Variants in GGCX observed in about 807,000 individuals in gnomAD.
GGCX encodes gamma-glutamyl carboxylase, also known as vitamin K-dependent gamma-carboxylase.
A neutral mutation model predicts 88.5 loss-of-function variants in GGCX; 63 were observed. The observed-to-expected ratio is 0.71, with a 90% confidence interval of 0.58 to 0.88. GGCX has a LOEUF of 0.88. Ranked by LOEUF, GGCX falls within the 40% of genes least tolerant of loss-of-function variation. The pLI, the probability that GGCX is intolerant of heterozygous loss-of-function variation, is 0.00. For synonymous variants in GGCX, 368 were observed against 365.8 expected (o/e 1.01, Z -0.07); for missense variants, 805 against 932.9 (o/e 0.86, Z 1.79).
chr2:85,559,540 C>G (rs1692345470), intron 2 of GGCX, among the ~76,000 whole-genome samples: 1 of 151,950 alleles, frequency 6.6e-6, no homozygotes, highest in South Asian at 2.1e-4. Context: ...TGGAAAAACC[C>G]CGTCTCTACT....
At chr2:85,552,388 T>C in intron 10 of GGCX, 28 bp downstream of exon 10, 1 of 1,608,094 alleles carries the variant, frequency 6.2e-7, no homozygotes, top group Middle Eastern at 1.7e-4. Context: ...TGCTTCATTT[T>C]TTCCCACTCT....
At chr2:85,560,416 G>A (rs1305741517) in intron 2 of GGCX, among the ~76,000 whole-genome samples, 2 of 152,012 alleles carry the variant, frequency 1.3e-5, no homozygotes, top group Non-Finnish European at 2.9e-5. Flanking sequence ...GTGAAACCCC[G>A]TCTCTACTAA....
chr2:85,554,668 A>G, intron 6 of GGCX: 1 of 346,488 alleles, frequency 2.9e-6, no homozygotes, highest in East Asian at 7.2e-5. Flanking sequence ...ACAGTGTCTT[A>G]TATTGCTCAG....
In GGCX at chr2:85,554,181, G is replaced by C. The variant is rs75294795; in HGVS notation, c.851C>G (p.Ser284Cys). 17 of 1,613,026 alleles carry C rather than the reference G, an allele frequency of 1.1e-5. No individual in the cohort carries two copies. Among genetic ancestry groups the C allele is most frequent in the African/African-American group, 2.7e-5 (2 of 74,878 alleles). ...VSRSIGLFFVSYFHCMNSQLF... is the reference protein window; with the variant it reads ...VSRSIGLFFVCYFHCMNSQLF... ...CTGGGAATTCATGCAGTGGAAGTAG[G>C]ACACAAAGAACAGGCCAATGGATCT... Residue 284 changes from serine (S) to cysteine (C), a missense_variant, in exon 7 of 15, where the codon TCC (serine) becomes TGC (cysteine). Around this residue, in one of 3 missense-constraint regions of GGCX, gnomAD observed 680 missense variants for 763.7 expected, o/e 0.89. Transcript: ENST00000233838.
intron 11 of GGCX, 37 bp from the exon 12 acceptor site, chr2:85,551,647 G>A (rs889482335): frequency 2.5e-6 from 4 of 1,611,492 alleles, no homozygotes; most frequent in Admixed American, 1.7e-5. Flanking sequence ...CCACCCCATG[G>A]CAGAGTGAAC....
chr2:85,545,527 AGCCATAATTC>A lies in GGCX; in HGVS notation c.*4397_*4406del, dbSNP rs776514553. On this transcript the variant is annotated 3_prime_UTR_variant, in exon 15 of 15. Transcript: ENST00000233838. ...TAACCTTGAATTGTAATCCATAATT[AGCCATAATTC>A]AGGAAAATAACCTCAATCCCTAGAC... The A allele has an allele frequency of 6.6e-6, 1 of 152,244 alleles. No homozygotes were observed. The highest frequency in any genetic ancestry group is 1.5e-5 in the Non-Finnish European group (1 of 68,050). The allele number at this position is 152,244 out of a possible 1,614,324, so 9.4% of individuals were successfully genotyped here. A position where few individuals can be genotyped will look rare whatever the true frequency, so the allele number is the denominator to read the frequency against.
intron 13 of GGCX, 77 bp downstream of exon 13, chr2:85,550,848 G>C: frequency 6.3e-7 from 1 of 1,587,502 alleles, no homozygotes; most frequent in Non-Finnish European, 8.6e-7. Context: ...GTTCATTCTT[G>C]AATGGCTAGA....
At position 85,561,492 on chromosome 2, in the gene GGCX, T is replaced by A. The variant is rs567607121; in HGVS notation, c.-64A>T. On this transcript the variant is annotated 5_prime_UTR_variant, in exon 1 of 15. Coordinates refer to ENST00000233838, the MANE Select transcript of GGCX (RefSeq NM_000821.7). ...TCTGAACGGAGGCCGCCAGGAGAAT[T>A]TGCTTCCCTAGGCTCCGCCTCCCGA... 3.2e-6 allele frequency: 4 copies of A among 1,269,020 alleles called. No individual in the cohort carries two copies. Among genetic ancestry groups the A allele is most frequent in the Non-Finnish European group, 4.5e-6 (4 of 892,750 alleles). The allele number at this position is 1,269,020 out of a possible 1,614,324, so 78.6% of individuals were successfully genotyped here.
intron 10 of GGCX, 123 bp downstream of exon 10, chr2:85,552,292 AG>A: frequency 1.0e-6 from 1 of 969,526 alleles, no homozygotes. Flanking sequence ...AACCAGATCA[AG>A]GGGGACATGC....
chr2:85,552,591 C>T lies in GGCX; in HGVS notation c.1288-24G>A, dbSNP rs200212016. The T allele has an allele frequency of 3.7e-5, 59 of 1,608,160 alleles. No homozygotes were observed. In the East Asian group the frequency reaches 1.1e-3, roughly 31 times the overall value. On this transcript the variant is annotated intron_variant, in intron 9 of 14. Coordinates refer to ENST00000233838, the MANE Select transcript of GGCX (RefSeq NM_000821.7). Reference sequence around the variant, plus strand: ...ACCTGCCCCAAACCCCCATATTAGTCCCACCTCATCATTATCAACTTCCAA... The same window carrying T: ...ACCTGCCCCAAACCCCCATATTAGTTCCACCTCATCATTATCAACTTCCAA...
rs1475457018 is a variant in GGCX at position 85,551,087 on chromosome 2, GAAATGGAT to G, written c.1741-23_1741-16del. ...CCAGCAGGCAACTGACAAGGGAGAAGAAATGGATAAATTTCATCAGCTTTTCTCTAGCC... is the reference window on the plus strand; with the variant it reads ...CCAGCAGGCAACTGACAAGGGAGAAGAAATTTCATCAGCTTTTCTCTAGCC... On this transcript the variant is annotated splice_polypyrimidine_tract_variant and intron_variant, in intron 12 of 14. Coordinates refer to ENST00000233838, the MANE Select transcript of GGCX (RefSeq NM_000821.7). The G allele has an allele frequency of 6.2e-7, 1 of 1,612,392 alleles. No homozygotes were observed. Among genetic ancestry groups the G allele is most frequent in the African/African-American group, 1.3e-5 (1 of 74,896 alleles).
At chr2:85,558,832 T>C (rs1692315132) in intron 3 of GGCX, 85 bp downstream of exon 3, 7 of 1,251,200 alleles carry the variant, frequency 5.6e-6, no homozygotes, top group Non-Finnish European at 8.2e-6. Context: ...TGAAATAAGG[T>C]GCCAAAGACT....
At chr2:85,552,315 G>A in intron 10 of GGCX, 101 bp downstream of exon 10, 4 of 1,197,432 alleles carry the variant, frequency 3.3e-6, no homozygotes, top group Non-Finnish European at 5.0e-6. Context: ...CTAGAGGAAG[G>A]ACAGCTTTTT....
rs974913483 is a variant in GGCX, at chr2:85,549,070, C to T, written c.*864G>A. 1 of 152,124 alleles carries T rather than the reference C, an allele frequency of 6.6e-6. No individual in the cohort carries two copies. Among genetic ancestry groups the T allele is most frequent in the Non-Finnish European group, 1.5e-5 (1 of 68,012 alleles). 9.4% of individuals were successfully genotyped at this position (152,124 alleles called of 1,614,324 possible). On this transcript the variant is annotated 3_prime_UTR_variant, in exon 15 of 15. Transcript: ENST00000233838. ...ACTTTGTGTGCATTTACAACCTGAC[C>T]ACCATCCAATTATACTTTTAATTAA... is the stretch of plus-strand genomic sequence containing the variant.
Position 85,546,556 on chromosome 2 carries a change from AC to A in GGCX, c.*3377del, listed in dbSNP as rs1470254397. On this transcript the variant is annotated 3_prime_UTR_variant, in exon 15 of 15. Transcript: ENST00000233838. The stretch of plus-strand genomic sequence containing the variant: ...CTGAAACCCCGTCTCTACCAAAAAT[AC>A]AAAAAAGCTGGGTGTGGTGGCAGGT... 1 of 151,848 alleles carries A rather than the reference AC, an allele frequency of 6.6e-6. No individual in the cohort carries two copies. Among genetic ancestry groups the A allele is most frequent in the African/African-American group, 2.4e-5 (1 of 41,362 alleles). The allele number at this position is 151,848 out of a possible 1,614,324, so 9.4% of individuals were successfully genotyped here.
chr2:85,559,664 G>A (rs943826961), intron 2 of GGCX, among the ~76,000 whole-genome samples: 1 of 150,876 alleles, frequency 6.6e-6, no homozygotes, highest in Non-Finnish European at 1.5e-5. Flanking sequence ...GCAGTGAGCC[G>A]AGATCACACC....
At chr2:85,552,389 T>C in intron 10 of GGCX, 27 bp downstream of exon 10, 1 of 1,608,166 alleles carries the variant, frequency 6.2e-7, no homozygotes, top group Non-Finnish European at 8.5e-7. Context: ...GCTTCATTTT[T>C]TCCCACTCTC....
At position 85,545,529 on chromosome 2, in the gene GGCX, C is replaced by T. The variant is rs1402577235; in HGVS notation, c.*4405G>A. 6.6e-6 allele frequency: 1 copy of T among 152,150 alleles called. No homozygotes were observed. The highest frequency in any genetic ancestry group is 1.5e-5 in the Non-Finnish European group (1 of 68,034). The allele number at this position is 152,150 out of a possible 1,614,324, so 9.4% of individuals were successfully genotyped here. On this transcript the variant is annotated 3_prime_UTR_variant, in exon 15 of 15. Transcript: ENST00000233838. Reference sequence around the variant, plus strand: ...ACCTTGAATTGTAATCCATAATTAGCCATAATTCAGGAAAATAACCTCAAT... The same window carrying T: ...ACCTTGAATTGTAATCCATAATTAGTCATAATTCAGGAAAATAACCTCAAT...
At chr2:85,556,151 G>A in intron 5 of GGCX, 31 bp downstream of exon 5, 1 of 1,380,770 alleles carries the variant, frequency 7.2e-7, no homozygotes, top group Non-Finnish European at 1.0e-6. Flanking sequence ...GGCTGTCAAG[G>A]AGCTCCTCCC....
Sources: allele counts gnomAD v4.1 joint callset (sites outside exome capture counted in the v4.1 genomes callset), GRCh38; gene constraint gnomAD v4.1.1; regional missense constraint gnomAD v4.1.1; transcripts MANE v1.5; gene names NCBI Gene and HGNC (gene_info 2026-07-23, HGNC 2026-07-21).